NTM: variants seen among roughly 807,000 people sequenced by gnomAD.
NTM encodes the protein neurotrimin.
In NTM, 13 loss-of-function variants were observed where a neutral mutation model predicts 42.1. That is an observed-to-expected ratio of 0.31 (90% CI 0.20 to 0.49). The LOEUF (loss-of-function observed/expected upper bound fraction) is 0.49, where lower values mean the gene tolerates loss of function less well. NTM is among the 20% of genes least tolerant of loss of function. The pLI is 0.99. For synonymous variants in NTM, 187 were observed against 179.2 expected (o/e 1.04, Z -0.35); for missense variants, 373 against 452.8 (o/e 0.82, Z 1.60).
chr11:131,705,802 ATAGAAGCCTCATGATAACCAC>A, intron 1 of NTM, among the ~76,000 whole-genome samples: 1 of 152,140 alleles, frequency 6.6e-6, no homozygotes, highest in Admixed American at 6.5e-5. Flanking sequence ...AAGATATTTT[ATAGAAGCCTCATGATAACCAC>A]AAAGAAAAAA....
chr11:132,013,273 A>G (rs1167532542), intron 2 of NTM, among the ~76,000 whole-genome samples: 1 of 152,106 alleles, frequency 6.6e-6, no homozygotes, highest in Non-Finnish European at 1.5e-5. Flanking sequence ...GTGTCAAGAA[A>G]CCTAAAAGAA....
At chr11:132,016,101 GT>G (rs558544499) in intron 2 of NTM, among the ~76,000 whole-genome samples, 69 of 145,158 alleles carry the variant, frequency 4.8e-4, no homozygotes, top group Middle Eastern at 3.5e-3. Context: ...GTTGTTGAGA[GT>G]TTTTTTTTTT....
intron 8 of NTM, among the ~76,000 whole-genome samples, chr11:132,330,915 T>C (rs535063275): frequency 6.6e-6 from 1 of 152,340 alleles, no homozygotes; most frequent in African/African-American, 2.4e-5. Context: ...TGACCAGCAC[T>C]GGCTTTGAGA....
chr11:131,736,026 T>A (rs1285815889), intron 1 of NTM, among the ~76,000 whole-genome samples: 2 of 152,036 alleles, frequency 1.3e-5, no homozygotes, highest in Non-Finnish European at 2.9e-5. Context: ...AGAGACAGGG[T>A]TTTGCCATGT....
intron 1 of NTM, among the ~76,000 whole-genome samples, chr11:131,503,643 C>A (rs934379176): frequency 1.3e-4 from 19 of 151,984 alleles, no homozygotes; most frequent in African/African-American, 4.4e-4. Context: ...CCACCTCAGC[C>A]TCCCAAATAG....
chr11:132,284,420 T>G (rs1182923064), intron 4 of NTM: 1 of 152,338 alleles, frequency 6.6e-6, no homozygotes, highest in Non-Finnish European at 1.5e-5. Flanking sequence ...TGATCTCTTC[T>G]CCTAAGGACA....
At position 132,002,783 on chromosome 11, in the gene NTM, A is replaced by G. The variant is rs2069621691; in HGVS notation, c.167+91135A>G. On this transcript the variant is annotated intron_variant, in intron 2 of 8. Transcript: ENST00000683400. This position sits in a 1 kb window ranked among gnomAD's most constrained non-coding sequence, Gnocchi z 4.5. ...CTCTTTATCAATAAACTCATTGGGA[A>G]AAGTGGAGGAAATCATAGTAACGAT... 6.6e-6 allele frequency among the ~76,000 whole-genome samples: 1 copy of G among 152,198 alleles called. No homozygotes were observed. The highest frequency in any genetic ancestry group is 1.5e-5 in the Non-Finnish European group (1 of 68,040).
At chr11:131,730,727 G>GAAT (rs2079559738) in intron 1 of NTM, among the ~76,000 whole-genome samples, 1 of 121,886 alleles carries the variant, frequency 8.2e-6, no homozygotes, top group African/African-American at 2.9e-5. Context: ...GTTAAAAGAA[G>GAAT]AAGAAGAGAA....
intron 1 of NTM, among the ~76,000 whole-genome samples, chr11:131,617,087 T>A (rs546691221): frequency 6.6e-6 from 1 of 152,134 alleles, no homozygotes; most frequent in South Asian, 2.1e-4. Context: ...ATTGTGGGGC[T>A]GGACGCTGCG....
At chr11:131,593,875 A>G (rs561491175) in intron 1 of NTM, among the ~76,000 whole-genome samples, 1 of 152,124 alleles carries the variant, frequency 6.6e-6, no homozygotes, top group Non-Finnish European at 1.5e-5. Context: ...GACTGTAAGC[A>G]CTCTGAAAGC....
chr11:131,612,717 T>C (rs888237912), intron 1 of NTM, among the ~76,000 whole-genome samples: 2 of 152,220 alleles, frequency 1.3e-5, no homozygotes, highest in African/African-American at 2.4e-5. Flanking sequence ...GGAAGGCTTC[T>C]GTGGTTAAAC....
At chr11:132,141,999 G>C (rs1225831393) in intron 2 of NTM, among the ~76,000 whole-genome samples, 1 of 152,200 alleles carries the variant, frequency 6.6e-6, no homozygotes, top group African/African-American at 2.4e-5. Context: ...ACAGAAGGGA[G>C]CTGGAGTTGC....
At chr11:131,961,469 T>C (rs1022979594) in intron 2 of NTM, among the ~76,000 whole-genome samples, 1 of 152,174 alleles carries the variant, frequency 6.6e-6, no homozygotes, top group African/African-American at 2.4e-5. Flanking sequence ...ATCAAATCCA[T>C]TATTTAATCA....
At chr11:131,528,907 T>C (rs1184281510) in intron 1 of NTM, among the ~76,000 whole-genome samples, 1 of 152,232 alleles carries the variant, frequency 6.6e-6, no homozygotes, top group African/African-American at 2.4e-5. Flanking sequence ...TCTAACTGTT[T>C]AGTGTGTGTG....
intron 1 of NTM, among the ~76,000 whole-genome samples, chr11:131,782,184 G>A (rs957125329): frequency 8.5e-5 from 13 of 152,104 alleles, no homozygotes; most frequent in African/African-American, 2.2e-4. Context: ...GTGACAATTA[G>A]TGAAACAGAG....
intron 1 of NTM, among the ~76,000 whole-genome samples, chr11:131,800,734 T>C (rs2092034434): frequency 1.3e-5 from 2 of 152,166 alleles, no homozygotes; most frequent in Admixed American, 6.5e-5. Context: ...AGATTTCAAG[T>C]GCAATTTGGC....
rs532307583 is a variant in NTM, at chr11:131,764,719, C to T, written c.83-146845C>T. Among the ~76,000 whole-genome samples, 14 of 152,280 alleles carry T rather than the reference C, an allele frequency of 9.2e-5. No individual in the cohort carries two copies. The East Asian group carries it at 2.1e-3, about 23-fold the overall frequency. ...ATGGGGTATAATTGATGCCTGTTGACAGCTATGTTTTGGAGCTACCAGTTG... is the reference window on the plus strand; with the variant it reads ...ATGGGGTATAATTGATGCCTGTTGATAGCTATGTTTTGGAGCTACCAGTTG... On this transcript the variant is annotated intron_variant, in intron 1 of 8. Transcript: ENST00000683400.
chr11:131,428,191 G>GATAGCATCTCAACC (rs1342584392), intron 1 of NTM, among the ~76,000 whole-genome samples: 4 of 152,106 alleles, frequency 2.6e-5, no homozygotes, highest in Admixed American at 6.5e-5. Context: ...TATTGGGATC[G>GATAGCATCTCAACC]ATAGCATCTC....
chr11:132,087,258 C>T (rs117215234), intron 2 of NTM, among the ~76,000 whole-genome samples: 1 of 152,024 alleles, frequency 6.6e-6, no homozygotes, highest in African/African-American at 2.4e-5. Flanking sequence ...CACTTTTGCC[C>T]ACGTACTGCC....
Sources: gnomAD v4.1 joint callset for allele counts (sites outside exome capture counted in the v4.1 genomes callset) on GRCh38, gnomAD v4.1.1 for gene constraint, Gnocchi (gnomAD v3.1) non-coding constraint, MANE v1.5 for transcripts, NCBI Gene and HGNC (gene_info 2026-07-23, HGNC 2026-07-21) for gene names.